The following LAMC3 variants were observed in gnomAD, a reference collection of about 807,000 sequenced individuals.
LAMC3 encodes laminin subunit gamma-3.
A neutral mutation model predicts 173.8 loss-of-function variants in LAMC3; 128 were observed. The observed-to-expected ratio is 0.74, with a 90% CI of 0.64 to 0.85. LAMC3 has a LOEUF of 0.85. Ranked by LOEUF, LAMC3 falls within the 40% of genes least tolerant of loss-of-function variation. The probability of loss-of-function intolerance (pLI) is 0.00; values close to 1 mark genes in which losing one functional copy is unlikely to be tolerated. For synonymous variants in LAMC3, 897 were observed against 909.1 expected (o/e 0.99, Z 0.24); for missense variants, 2,022 against 2,156.0 (o/e 0.94, Z 1.23).
chr9:131,087,361 G>T, intron 25 of LAMC3, 115 bp from the exon 26 acceptor site: 9 of 1,328,320 alleles, frequency 6.8e-6, no homozygotes, highest in Non-Finnish European at 9.8e-6. Context: ...ATGAATGAAT[G>T]AATGATCTGC....
At chr9:131,052,123 C>T (rs1588152347) in intron 9 of LAMC3, among the ~76,000 whole-genome samples, 1 of 152,176 alleles carries the variant, frequency 6.6e-6, no homozygotes, top group Non-Finnish European at 1.5e-5. Context: ...ATTTCGTGCT[C>T]ATGGGCATCG....
At position 131,022,463 on chromosome 9, in the gene LAMC3, G is replaced by A. The variant is rs952099557; in HGVS notation, c.374-3822G>A. Among the ~76,000 whole-genome samples the A allele has an allele frequency of 4.6e-5, 7 of 151,932 alleles. No individual in the cohort carries two copies. In the East Asian group the frequency reaches 5.8e-4, roughly 13 times the overall value. On this transcript the variant is annotated intron_variant, in intron 1 of 27. Coordinates refer to ENST00000361069, the MANE Select transcript of LAMC3 (RefSeq NM_006059.4). ...CTTTAGGAGATACAATTCACATACCGTATAATTTACCCATTTAAACTATAC... is the reference window on the plus strand; with the variant it reads ...CTTTAGGAGATACAATTCACATACCATATAATTTACCCATTTAAACTATAC...
chr9:131,057,283 C>G (rs1834426552), intron 12 of LAMC3, 136 bp downstream of exon 12: 10 of 746,384 alleles, frequency 1.3e-5, no homozygotes, highest in Admixed American at 8.0e-5. Context: ...GGGCACTGAG[C>G]TTTCCCGTGC....
intron 2 of LAMC3, among the ~76,000 whole-genome samples, chr9:131,028,302 G>A (rs1478747805): frequency 6.6e-6 from 1 of 152,166 alleles, no homozygotes; most frequent in Non-Finnish European, 1.5e-5. Context: ...TCCTGGTGCC[G>A]AAAAGGTTGG....
At chr9:131,025,068 T>G (rs892710174) in intron 1 of LAMC3, among the ~76,000 whole-genome samples, 12 of 152,128 alleles carry the variant, frequency 7.9e-5, no homozygotes, top group African/African-American at 2.9e-4. Context: ...TTCCTTCTTA[T>G]TATTGAAATC....
intron 20 of LAMC3, among the ~76,000 whole-genome samples, chr9:131,074,170 G>C (rs193116816): frequency 6.6e-6 from 1 of 150,634 alleles, no homozygotes; most frequent in Non-Finnish European, 1.5e-5. Flanking sequence ...GGATGATCTC[G>C]ATCTCCTGAC....
chr9:131,064,989 C>T (rs1170194794), intron 13 of LAMC3, among the ~76,000 whole-genome samples: 2 of 140,120 alleles, frequency 1.4e-5, no homozygotes, highest in East Asian at 2.0e-4. Context: ...TGCGGTGAGC[C>T]GAGATGGTGC....
rs372564761 is a variant in LAMC3 at position 131,039,206 on chromosome 9, G to T, written c.1241G>T (p.Arg414Leu). 6.2e-7 allele frequency: 1 copy of T among 1,608,266 alleles called. No individual in the cohort carries two copies. The highest frequency in any genetic ancestry group is 1.7e-5 in the Admixed American group (1 of 60,008). ...ACGGTGACTGGCTGGAAGTGTGACCGCTGTCTGCCCGGGTTCCACTCGCTC... is the reference window on the plus strand; with the variant it reads ...ACGGTGACTGGCTGGAAGTGTGACCTCTGTCTGCCCGGGTTCCACTCGCTC... ...KPTVTGWKCD[R>L]CLPGFHSLSE... Residue 414 changes from arginine to leucine, a missense_variant, in exon 6 of 28, where the codon CGC becomes CTC. Physicochemically the swap from Arg to Leu is moderately radical, Grantham distance 102. Transcript: ENST00000361069.
At chr9:131,012,889 TGGACATCTGTTCC>T (rs1386363787) in intron 1 of LAMC3, among the ~76,000 whole-genome samples, 1 of 152,228 alleles carries the variant, frequency 6.6e-6, no homozygotes, top group African/African-American at 2.4e-5. Flanking sequence ...CCGTGGCTCC[TGGACATCTGTTCC>T]GGATCCTCCC....
intron 2 of LAMC3, among the ~76,000 whole-genome samples, chr9:131,030,353 T>A (rs957008076): frequency 6.6e-6 from 1 of 152,214 alleles, no homozygotes; most frequent in South Asian, 2.1e-4. Context: ...TTTGTGGTCA[T>A]TGTCCTTGCA....
intron 1 of LAMC3, among the ~76,000 whole-genome samples, chr9:131,018,736 A>T (rs775429906): frequency 6.3e-4 from 96 of 152,094 alleles, no homozygotes; most frequent in Non-Finnish European, 9.3e-4. Context: ...TTACTGGACC[A>T]CATGCCCCAA....
intron 1 of LAMC3, among the ~76,000 whole-genome samples, chr9:131,025,437 AG>A (rs1833698443): frequency 1.3e-5 from 2 of 152,100 alleles, no homozygotes; most frequent in African/African-American, 4.8e-5. Context: ...AGGTGCCTAA[AG>A]CCTGCAGATC....
intron 9 of LAMC3, among the ~76,000 whole-genome samples, chr9:131,051,782 C>T (rs1041848315): frequency 6.6e-6 from 1 of 151,528 alleles, no homozygotes; most frequent in African/African-American, 2.4e-5. Flanking sequence ...GGCTTTCTCA[C>T]GGGTAAGGGA....
chr9:131,065,294 A>G (rs769003720), intron 13 of LAMC3, among the ~76,000 whole-genome samples: 8 of 152,190 alleles, frequency 5.3e-5, no homozygotes, highest in Non-Finnish European at 1.2e-4. Flanking sequence ...CTCGCACAGC[A>G]TGTCTTCTGC....
At chr9:131,064,638 T>C (rs1281053248) in intron 13 of LAMC3, among the ~76,000 whole-genome samples, 1 of 143,472 alleles carries the variant, frequency 7.0e-6, no homozygotes, top group Non-Finnish European at 1.5e-5. Context: ...CACTCCAGCC[T>C]GGGTGAAAGA....
intron 27 of LAMC3, among the ~76,000 whole-genome samples, chr9:131,091,087 G>T (rs1287519385): frequency 6.6e-6 from 1 of 152,206 alleles, no homozygotes; most frequent in Non-Finnish European, 1.5e-5. Context: ...ATGGTGGTGT[G>T]GGCCTGTGGT....
chr9:131,055,771 C>T (rs1166012904), intron 11 of LAMC3, among the ~76,000 whole-genome samples: 2 of 151,730 alleles, frequency 1.3e-5, no homozygotes, highest in African/African-American at 4.8e-5. Context: ...AAAATGTACA[C>T]ATTATAGTTG....
chr9:131,044,555 G>A (rs954837228), intron 7 of LAMC3, among the ~76,000 whole-genome samples: 43 of 152,170 alleles, frequency 2.8e-4, no homozygotes, highest in African/African-American at 9.9e-4. Flanking sequence ...GGCCTATTCA[G>A]TGACTTGCTT....
intron 23 of LAMC3, among the ~76,000 whole-genome samples, chr9:131,079,691 T>C (rs1830202377): frequency 6.6e-6 from 1 of 151,488 alleles, no homozygotes; most frequent in South Asian, 2.1e-4. Flanking sequence ...AGACCCCATC[T>C]CAAAAAAAAG....
Sources: allele counts gnomAD v4.1 joint callset (sites outside exome capture counted in the v4.1 genomes callset), GRCh38; gene constraint gnomAD v4.1.1; transcripts MANE v1.5; gene names NCBI Gene and HGNC (gene_info 2026-07-23, HGNC 2026-07-21).